The following NUP35 variants were observed in gnomAD, a reference collection of about 807,000 sequenced individuals.
NUP35 encodes the protein nucleoporin NUP35.
NUP35 carries 25 observed loss-of-function variants against 41.5 expected under a neutral mutation model. That is an observed-to-expected ratio of 0.60 (90% CI 0.44 to 0.84). NUP35 has a LOEUF of 0.84. Ranked by LOEUF, NUP35 falls within the 40% of genes least tolerant of loss-of-function variation. NUP35 has a pLI of 0.00. For missense variants in NUP35, 396 were observed against 396.6 expected (o/e 1.00, Z 0.01); for synonymous variants, 149 against 130.7 (o/e 1.14, Z -0.96).
At chr2:183,133,857 T>C (rs1362745231) in intron 4 of NUP35, among the ~76,000 whole-genome samples, 1 of 152,218 alleles carries the variant, frequency 6.6e-6, no homozygotes, top group African/African-American at 2.4e-5. Context: ...AAGGAAATAC[T>C]TTGTATATTG....
At chr2:183,138,245 CTATATA>C (rs1208421272) in intron 4 of NUP35, among the ~76,000 whole-genome samples, 10 of 112,686 alleles carry the variant, frequency 8.9e-5, no homozygotes, top group Admixed American at 9.6e-5. Context: ...TCATTTAGAG[CTATATA>C]TATATATATA....
intron 4 of NUP35, among the ~76,000 whole-genome samples, chr2:183,146,235 C>CAA (rs201945920): frequency 6.8e-6 from 1 of 147,338 alleles, no homozygotes; most frequent in Non-Finnish European, 1.5e-5. Flanking sequence ...GACTCTGTCT[C>CAA]AAAAAAAAAA....
At chr2:183,128,894 T>C (rs1322101043) in intron 2 of NUP35, among the ~76,000 whole-genome samples, 1 of 152,214 alleles carries the variant, frequency 6.6e-6, no homozygotes, top group Admixed American at 6.5e-5. Flanking sequence ...GTATTCTATG[T>C]TTTTTTCATT....
intron 3 of NUP35, chr2:183,131,070 C>T (rs560551427): frequency 5.5e-5 from 25 of 454,120 alleles, no homozygotes; most frequent in Admixed American, 5.2e-4. Flanking sequence ...GCCTTGAACT[C>T]CTGGGTTCAA....
Position 183,161,594 on chromosome 2 carries a change from G to A in NUP35, c.*463G>A, listed in dbSNP as rs1409542962. The A allele has an allele frequency of 6.6e-6, 1 of 152,258 alleles. No individual in the cohort carries two copies. Among genetic ancestry groups the A allele is most frequent in the Non-Finnish European group, 1.5e-5 (1 of 68,134 alleles). The allele number at this position is 152,258 out of a possible 1,614,324, so 9.4% of individuals were successfully genotyped here. A position where few individuals can be genotyped will look rare whatever the true frequency, so the allele number is the denominator to read the frequency against. Reference sequence around the variant, plus strand: ...AATTATCCTTGTTTGTATATGTCCTGTCACAGAGTGTCCTCTTGGTGTATT... The same window carrying A: ...AATTATCCTTGTTTGTATATGTCCTATCACAGAGTGTCCTCTTGGTGTATT... On this transcript the variant is annotated 3_prime_UTR_variant, in exon 9 of 9. Coordinates refer to ENST00000295119, the MANE Select transcript of NUP35 (RefSeq NM_138285.5).
At chr2:183,141,290 G>C (rs1320470459) in intron 4 of NUP35, among the ~76,000 whole-genome samples, 1 of 152,054 alleles carries the variant, frequency 6.6e-6, no homozygotes, top group African/African-American at 2.4e-5. Flanking sequence ...GGGCCCACCT[G>C]GATAATCTCC....
intron 4 of NUP35, among the ~76,000 whole-genome samples, chr2:183,150,368 CT>C (rs1360905750): frequency 1.3e-5 from 2 of 152,198 alleles, no homozygotes; most frequent in African/African-American, 4.8e-5. Context: ...CTCGCATCTC[CT>C]TGTTCTCATC....
intron 4 of NUP35, among the ~76,000 whole-genome samples, chr2:183,149,082 G>T (rs188390439): frequency 6.6e-6 from 1 of 152,254 alleles, no homozygotes; most frequent in Non-Finnish European, 1.5e-5. Flanking sequence ...TGGGAATTAA[G>T]GATAAATGGC....
intron 8 of NUP35, chr2:183,160,060 C>T (rs1312633908): frequency 6.3e-6 from 1 of 159,488 alleles, no homozygotes; most frequent in East Asian, 1.9e-4. Flanking sequence ...AAGACATTGA[C>T]CAACCTCCAG....
chr2:183,150,287 C>A (rs1226352166), intron 4 of NUP35, among the ~76,000 whole-genome samples: 1 of 152,202 alleles, frequency 6.6e-6, no homozygotes, highest in African/African-American at 2.4e-5. Context: ...TTCTACCTCG[C>A]TTAGAGCTTT....
intron 4 of NUP35, among the ~76,000 whole-genome samples, chr2:183,148,413 C>T (rs780849769): frequency 1.6e-4 from 24 of 152,224 alleles, no homozygotes; most frequent in African/African-American, 4.8e-4. Context: ...TACTAATTTA[C>T]GTTCTCACCA....
intron 4 of NUP35, among the ~76,000 whole-genome samples, chr2:183,137,347 G>C (rs138572401): frequency 6.6e-4 from 101 of 152,256 alleles, no homozygotes; most frequent in African/African-American, 2.3e-3. Flanking sequence ...GTAATCCCGA[G>C]GCAGGTGGAT....
At position 183,124,483 on chromosome 2, in the gene NUP35, A is replaced by G. The variant is rs1700119080; in HGVS notation, c.26A>G (p.Gln9Arg). 7 of 1,614,004 alleles carry G rather than the reference A, an allele frequency of 4.3e-6. No individual in the cohort carries two copies. The highest frequency in any genetic ancestry group is 1.7e-5 in the Admixed American group (1 of 59,992). MAAFAVEP[Q>R]GPALGSEPMM... ...ATGGCAGCCTTTGCAGTGGAACCTC[A>G]GGGGCCCGCGTTAGGTGAGTGAAAT... Residue 9 changes from glutamine to arginine, a missense_variant, in exon 1 of 9, where the codon CAG (glutamine) becomes CGG (arginine). By Grantham distance (43) the Gln-to-Arg change is conservative. Coordinates refer to ENST00000295119, the MANE Select transcript of NUP35 (RefSeq NM_138285.5).
chr2:183,157,026 A>G (rs1444599470), intron 5 of NUP35, among the ~76,000 whole-genome samples: 11 of 152,210 alleles, frequency 7.2e-5, no homozygotes, highest in Admixed American at 3.9e-4. Flanking sequence ...GTGATGCTCA[A>G]TGTATAATGA....
chr2:183,124,241 G>A, upstream of NUP35: 2 of 1,238,384 alleles, frequency 1.6e-6, no homozygotes, highest in Middle Eastern at 2.8e-4. Context: ...ACGCTGGTTC[G>A]CCACCTTCCC....
chr2:183,127,285 T>G (rs1049394788), intron 1 of NUP35, among the ~76,000 whole-genome samples: 3 of 152,012 alleles, frequency 2.0e-5, no homozygotes, highest in Non-Finnish European at 4.4e-5. Context: ...TTAATTTTTT[T>G]TTTTTTTTAA....
intron 5 of NUP35, among the ~76,000 whole-genome samples, chr2:183,152,112 C>G (rs1685488335): frequency 1.0e-4 from 4 of 38,998 alleles, no homozygotes; most frequent in Admixed American, 8.7e-4. Context: ...CATTTACAAA[C>G]ACACACACAC....
At chr2:183,149,784 T>C (rs1685400828) in intron 4 of NUP35, among the ~76,000 whole-genome samples, 1 of 152,248 alleles carries the variant, frequency 6.6e-6, no homozygotes, top group South Asian at 2.1e-4. Flanking sequence ...CTGGATGTTA[T>C]TTAATATTAT....
chr2:183,120,639 T>A (rs1700054709), upstream of NUP35, among the ~76,000 whole-genome samples: 1 of 152,098 alleles, frequency 6.6e-6, no homozygotes, highest in African/African-American at 2.4e-5. Context: ...GTACTAAGAA[T>A]AACCATTTTT....
Sources: gnomAD v4.1 joint callset for allele counts (sites outside exome capture counted in the v4.1 genomes callset) on GRCh38, gnomAD v4.1.1 for gene constraint, MANE v1.5 for transcripts, NCBI Gene and HGNC (gene_info 2026-07-23, HGNC 2026-07-21) for gene names.